RBFOX1: variants seen among roughly 807,000 people sequenced by gnomAD.
RBFOX1 encodes the protein RNA binding fox-1 homolog 1.
A neutral mutation model predicts 57.7 loss-of-function variants in RBFOX1; 8 were observed. The ratio of observed to expected loss-of-function variants is 0.14; its 90% confidence interval spans 0.08 to 0.25. The LOEUF is 0.25. RBFOX1 is among the 10% of genes least tolerant of loss of function. The pLI is 1.00. For missense variants in RBFOX1, 611 were observed against 548.5 expected (o/e 1.11, Z -1.14); for synonymous variants, 326 against 222.4 (o/e 1.47, Z -4.15).
intron 3 of RBFOX1, among the ~76,000 whole-genome samples, chr16:6,953,725 T>C (rs2081229700): frequency 6.6e-6 from 1 of 152,218 alleles, no homozygotes; most frequent in Non-Finnish European, 1.5e-5. Context: ...TACATATAAA[T>C]ATACATATTT....
At chr16:5,326,457 G>A (rs184776154) in intron 1 of RBFOX1, among the ~76,000 whole-genome samples, 1 of 152,206 alleles carries the variant, frequency 6.6e-6, no homozygotes, top group Non-Finnish European at 1.5e-5. Flanking sequence ...CAGTGTTTCT[G>A]TTGCATTCAT....
chr16:5,528,669 C>G (rs2044341589), intron 2 of RBFOX1, among the ~76,000 whole-genome samples: 1 of 149,452 alleles, frequency 6.7e-6, no homozygotes, highest in Non-Finnish European at 1.5e-5. Flanking sequence ...CCCCTCCTGT[C>G]CTCTTTCTCT....
intron 2 of RBFOX1, among the ~76,000 whole-genome samples, chr16:6,335,352 A>G (rs1401604865): frequency 6.6e-6 from 1 of 152,162 alleles, no homozygotes; most frequent in East Asian, 1.9e-4. Flanking sequence ...GCATCTCTCT[A>G]AACAAATACG....
chr16:7,407,773 C>G (rs1019585906), intron 4 of RBFOX1, among the ~76,000 whole-genome samples: 3 of 152,142 alleles, frequency 2.0e-5, no homozygotes, highest in Non-Finnish European at 2.9e-5. Context: ...TTCATAGATT[C>G]AGTCTATTCC....
chr16:5,291,140 C>T lies in RBFOX1; in HGVS notation c.219+51035C>T, dbSNP rs180896132. Among the ~76,000 whole-genome samples the T allele has an allele frequency of 2.2e-3, 336 of 152,300 alleles. 5 individuals carry two copies. Among genetic ancestry groups the T allele is most frequent in the South Asian group, 0.012 (60 of 4,826 alleles). ...GGTGTGGAAACTTCACACGAGTGGTCCCACCTTGGGCATCCCATGTAACTA... is the reference window on the plus strand; with the variant it reads ...GGTGTGGAAACTTCACACGAGTGGTTCCACCTTGGGCATCCCATGTAACTA... On this transcript the variant is annotated intron_variant, in intron 1 of 2. Coordinates refer to the RBFOX1 transcript ENST00000585867.
At chr16:5,324,978 A>G (rs977837824) in intron 1 of RBFOX1, among the ~76,000 whole-genome samples, 1 of 152,218 alleles carries the variant, frequency 6.6e-6, no homozygotes, top group East Asian at 1.9e-4. Flanking sequence ...GTGTTCCCAG[A>G]TCTATCAGCA....
At chr16:6,861,367 A>G (rs181476244) in intron 3 of RBFOX1, among the ~76,000 whole-genome samples, 5 of 152,172 alleles carry the variant, frequency 3.3e-5, no homozygotes, top group Admixed American at 3.3e-4. Context: ...CAGTACCCTC[A>G]ATCTACAAGA....
At chr16:5,690,435 G>C (rs1342592600) in intron 3 of RBFOX1, among the ~76,000 whole-genome samples, 2 of 152,144 alleles carry the variant, frequency 1.3e-5, no homozygotes, top group African/African-American at 4.8e-5. Flanking sequence ...AAACAGGATA[G>C]CCACTACCTT....
chr16:6,497,115 G>C (rs569724872), intron 2 of RBFOX1, among the ~76,000 whole-genome samples: 1 of 152,318 alleles, frequency 6.6e-6, no homozygotes, highest in South Asian at 2.1e-4. Flanking sequence ...AGCAATTTTA[G>C]AGAAGGTAAT....
intron 1 of RBFOX1, among the ~76,000 whole-genome samples, chr16:6,258,820 A>G (rs1054318475): frequency 5.9e-5 from 9 of 152,296 alleles, no homozygotes; most frequent in South Asian, 4.1e-4. Context: ...CCCATTTTAC[A>G]TGACGTGATT....
At chr16:6,227,337 C>T (rs1177500945) in intron 1 of RBFOX1, among the ~76,000 whole-genome samples, 1 of 152,138 alleles carries the variant, frequency 6.6e-6, no homozygotes. Context: ...GTTGCCGGTG[C>T]TGCAGGCTTT....
At chr16:5,757,388 C>A (rs1324061781) in intron 3 of RBFOX1, among the ~76,000 whole-genome samples, 1 of 151,984 alleles carries the variant, frequency 6.6e-6, no homozygotes, top group African/African-American at 2.4e-5. Flanking sequence ...CATGCCACCA[C>A]ACCCAGCTAA....
intron 3 of RBFOX1, among the ~76,000 whole-genome samples, chr16:5,694,989 C>A (rs2050804751): frequency 6.6e-6 from 1 of 151,744 alleles, no homozygotes; most frequent in African/African-American, 2.4e-5. Context: ...AGGTGAGGGT[C>A]TGGAAGCTAC....
intron 3 of RBFOX1, among the ~76,000 whole-genome samples, chr16:6,859,927 A>G (rs892271316): frequency 6.6e-6 from 1 of 152,192 alleles, no homozygotes; most frequent in Non-Finnish European, 1.5e-5. Context: ...TGATTAAGCA[A>G]ATTAATGAAT....
intron 1 of RBFOX1, among the ~76,000 whole-genome samples, chr16:5,280,351 G>T (rs1410438572): frequency 6.6e-6 from 1 of 152,138 alleles, no homozygotes; most frequent in South Asian, 2.1e-4. Flanking sequence ...ATTATGCCGA[G>T]AATTTTTCCA....
intron 3 of RBFOX1, among the ~76,000 whole-genome samples, chr16:5,831,196 G>A (rs1413011922): frequency 6.6e-6 from 1 of 152,068 alleles, no homozygotes; most frequent in Non-Finnish European, 1.5e-5. Flanking sequence ...TGGGAACCTG[G>A]TGGGAACTGT....
chr16:6,770,769 A>T (rs544851603), intron 3 of RBFOX1, among the ~76,000 whole-genome samples: 1 of 152,170 alleles, frequency 6.6e-6, no homozygotes, highest in African/African-American at 2.4e-5. Flanking sequence ...TTGTCTCCCC[A>T]GTTGGGAAGT....
chr16:7,515,163 A>G (rs1267452919), intron 4 of RBFOX1, among the ~76,000 whole-genome samples: 1 of 152,138 alleles, frequency 6.6e-6, no homozygotes, highest in African/African-American at 2.4e-5. Context: ...TCACCCATAG[A>G]GAAGTGGCAT....
intron 3 of RBFOX1, among the ~76,000 whole-genome samples, chr16:5,758,167 T>C (rs1236014059): frequency 6.6e-6 from 1 of 152,262 alleles, no homozygotes; most frequent in African/African-American, 2.4e-5. Flanking sequence ...TTAGCGTTTC[T>C]TCTGAACTCT....
Sources: gnomAD v4.1 joint callset for allele counts (sites outside exome capture counted in the v4.1 genomes callset) on GRCh38, gnomAD v4.1.1 for gene constraint, MANE v1.5 for transcripts, NCBI Gene and HGNC (gene_info 2026-07-23, HGNC 2026-07-21) for gene names.